The following IGF2BP3 variants were observed in gnomAD, a reference collection of about 807,000 sequenced individuals.
IGF2BP3 encodes insulin-like growth factor 2 mRNA-binding protein 3.
IGF2BP3 carries 9 observed loss-of-function variants against 73.8 expected under a neutral mutation model. The observed-to-expected ratio is 0.12, with a 90% CI of 0.07 to 0.21. The LOEUF (loss-of-function observed/expected upper bound fraction) is 0.21. IGF2BP3 is among the 10% of genes least tolerant of loss of function. IGF2BP3 has a pLI of 1.00. For missense variants in IGF2BP3, 542 were observed against 714.0 expected (o/e 0.76, Z 2.75); for synonymous variants, 258 against 256.7 (o/e 1.01, Z -0.05).
intron 10 of IGF2BP3, among the ~76,000 whole-genome samples, chr7:23,326,859 T>C (rs1201482811): frequency 2.5e-4 from 35 of 138,066 alleles, no homozygotes; most frequent in African/African-American, 5.7e-4. Context: ...TAGGTGGGAA[T>C]TGAACAATGA....
chr7:23,385,368 C>T (rs1177768955), intron 3 of IGF2BP3, among the ~76,000 whole-genome samples: 1 of 152,178 alleles, frequency 6.6e-6, no homozygotes, highest in Non-Finnish European at 1.5e-5. Context: ...CTTGGCAGCA[C>T]AGTACAATCA....
intron 2 of IGF2BP3, among the ~76,000 whole-genome samples, chr7:23,422,250 G>A (rs1393399235): frequency 6.6e-6 from 1 of 152,100 alleles, no homozygotes; most frequent in Non-Finnish European, 1.5e-5. Context: ...ATTAGCATGT[G>A]ATCATACATA....
rs1783854113 is a variant in IGF2BP3 at position 23,312,309 on chromosome 7, C to T, written c.*53G>A. On this transcript the variant is annotated 3_prime_UTR_variant, in exon 15 of 15. Transcript: ENST00000258729. The stretch of plus-strand genomic sequence containing the variant: ...GGTCAGCGCCCATCTGTTGGTTAAG[C>T]AATCTGTCTTTGGTTTGGCATCTGC... 1 of 1,288,680 alleles carries T rather than the reference C, an allele frequency of 7.8e-7. No individual in the cohort carries two copies. Among genetic ancestry groups the T allele is most frequent in the African/African-American group, 1.5e-5 (1 of 68,340 alleles). 79.8% of individuals were successfully genotyped at this position (1,288,680 alleles called of 1,614,324 possible).
intron 10 of IGF2BP3, among the ~76,000 whole-genome samples, chr7:23,327,569 C>A (rs1313224384): frequency 6.6e-6 from 1 of 152,152 alleles, no homozygotes; most frequent in African/African-American, 2.4e-5. Flanking sequence ...GCGTGAGCCA[C>A]CGCACCCGTC....
intron 2 of IGF2BP3, among the ~76,000 whole-genome samples, chr7:23,427,045 G>A (rs373439972): frequency 2.6e-4 from 39 of 152,218 alleles, no homozygotes; most frequent in African/African-American, 8.7e-4. Flanking sequence ...CTGACTCATC[G>A]CTGTGGTGGA....
chr7:23,341,669 C>T (rs1562685612), intron 10 of IGF2BP3, among the ~76,000 whole-genome samples: 1 of 151,392 alleles, frequency 6.6e-6, no homozygotes, highest in Non-Finnish European at 1.5e-5. Flanking sequence ...GACTGTGTCT[C>T]CAAAAACTTT....
At chr7:23,323,595 A>T (rs1238772834) in intron 10 of IGF2BP3, among the ~76,000 whole-genome samples, 1 of 150,780 alleles carries the variant, frequency 6.6e-6, no homozygotes, top group Non-Finnish European at 1.5e-5. Flanking sequence ...AGAACTCTCT[A>T]CCCCAAATCA....
intron 10 of IGF2BP3, among the ~76,000 whole-genome samples, chr7:23,337,610 G>A (rs1784606092): frequency 6.6e-6 from 1 of 152,198 alleles, no homozygotes. Context: ...CACAGCCAGT[G>A]GTATGTTCTG....
At chr7:23,461,446 A>G (rs1386659964) in intron 2 of IGF2BP3, among the ~76,000 whole-genome samples, 1 of 152,154 alleles carries the variant, frequency 6.6e-6, no homozygotes, top group East Asian at 1.9e-4. Flanking sequence ...TAGAAACACC[A>G]TATCAAAACC....
At chr7:23,329,606 A>T (rs17148031) in intron 10 of IGF2BP3, among the ~76,000 whole-genome samples, 1,690 of 152,336 alleles carry the variant, frequency 0.011, 32 homozygotes, top group African/African-American at 0.038. Context: ...TAATACATTT[A>T]TGATACCTTT....
In IGF2BP3 at chr7:23,312,039, A is replaced by C. The variant is rs183128450; in HGVS notation, c.*323T>G. 7.7e-5 allele frequency: 18 copies of C among 234,592 alleles called. No homozygotes were observed. In the East Asian group the frequency reaches 1.4e-3, roughly 19 times the overall value. 14.5% of individuals were successfully genotyped at this position (234,592 alleles called of 1,614,324 possible). A position where few individuals can be genotyped will look rare whatever the true frequency, so the allele number is the denominator to read the frequency against. ...AGCCAATTTCTGGCATTATGGGGGA[A>C]TATTAAGAAGAATTAGAATATCTGT... is the stretch of plus-strand genomic sequence containing the variant. On this transcript the variant is annotated 3_prime_UTR_variant, in exon 15 of 15. Transcript: ENST00000258729.
In IGF2BP3 at chr7:23,469,015, G is replaced by A. The variant is rs374045145; in HGVS notation, c.176-473C>T. ...AGGAAGACAGGGAGTGGCGAGAAAG[G>A]GTCGGGGACGGCAGGGGAGACCACG... is the stretch of plus-strand genomic sequence containing the variant. On this transcript the variant is annotated intron_variant, in intron 1 of 14. Coordinates refer to ENST00000258729, the MANE Select transcript of IGF2BP3 (RefSeq NM_006547.3). The surrounding 1 kb of genome is among the most constrained non-coding windows in gnomAD (Gnocchi z 6.1). 2.5e-4 allele frequency among the ~76,000 whole-genome samples: 38 copies of A among 152,358 alleles called. 1 individual carries two copies. The South Asian group carries it at 7.9e-3, about 32-fold the overall frequency.
intron 14 of IGF2BP3, 23 bp downstream of exon 14, chr7:23,312,712 A>G: frequency 6.7e-7 from 1 of 1,483,342 alleles, no homozygotes; most frequent in Non-Finnish European, 9.4e-7. Flanking sequence ...AAGATACAAT[A>G]GCTTATTTTA....
intron 3 of IGF2BP3, among the ~76,000 whole-genome samples, chr7:23,380,463 T>G (rs917249589): frequency 6.6e-6 from 1 of 152,108 alleles, no homozygotes; most frequent in Admixed American, 6.6e-5. Flanking sequence ...GTGCCCGGCC[T>G]ACTGCCCACC....
chr7:23,335,074 A>T (rs561081710), intron 10 of IGF2BP3, among the ~76,000 whole-genome samples: 23 of 71,430 alleles, frequency 3.2e-4, no homozygotes, highest in African/African-American at 8.5e-4. Context: ...CTTTAACATT[A>T]AAAAAAAAAA....
intron 2 of IGF2BP3, among the ~76,000 whole-genome samples, chr7:23,429,421 G>A (rs554283606): frequency 1.3e-5 from 2 of 152,264 alleles, no homozygotes; most frequent in African/African-American, 4.8e-5. Context: ...CAGCTACTGT[G>A]TGGCAGGGTC....
chr7:23,367,031 T>C (rs1409573881), intron 3 of IGF2BP3, among the ~76,000 whole-genome samples: 5 of 145,428 alleles, frequency 3.4e-5, no homozygotes, highest in Non-Finnish European at 7.4e-5. Context: ...CTTACTGGAG[T>C]GCAGTGACAT....
chr7:23,458,754 C>T (rs968083941), intron 2 of IGF2BP3, among the ~76,000 whole-genome samples: 1 of 152,236 alleles, frequency 6.6e-6, no homozygotes, highest in Non-Finnish European at 1.5e-5. Flanking sequence ...AGCCCTGGGG[C>T]ACAGACTACC....
intron 3 of IGF2BP3, among the ~76,000 whole-genome samples, chr7:23,383,635 A>T (rs1253407268): frequency 6.6e-6 from 1 of 152,256 alleles, no homozygotes; most frequent in Non-Finnish European, 1.5e-5. Flanking sequence ...TCCTAGAAAC[A>T]TACCCAAGAA....
Sources: gnomAD v4.1 joint callset for allele counts (sites outside exome capture counted in the v4.1 genomes callset) on GRCh38, gnomAD v4.1.1 for gene constraint, Gnocchi (gnomAD v3.1) non-coding constraint, MANE v1.5 for transcripts, NCBI Gene and HGNC (gene_info 2026-07-23, HGNC 2026-07-21) for gene names.